TMED3: variants seen among roughly 807,000 people sequenced by gnomAD.
TMED3 encodes the protein transmembrane p24 trafficking protein 3.
In TMED3, 9 loss-of-function variants were observed where a neutral mutation model predicts 15.0. The ratio of observed to expected loss-of-function variants is 0.60; its 90% CI spans 0.36 to 1.04. TMED3 has a LOEUF of 1.04. Among genes scored for constraint, TMED3 ranks in the 50% least tolerant of loss-of-function variants. The probability of loss-of-function intolerance (pLI) is 0.01; values close to 1 mark genes in which losing one functional copy is unlikely to be tolerated. For synonymous variants in TMED3, 117 were observed against 121.4 expected, an observed-to-expected ratio of 0.96 and a Z score of 0.24; for missense variants, 267 against 278.9, an observed-to-expected ratio of 0.96 and a Z score of 0.30.
At chr15:79,407,616 C>CCCA (rs1360276285) in intron 2 of TMED3, among the ~76,000 whole-genome samples, 40 of 152,248 alleles carry the variant, frequency 2.6e-4, no homozygotes, top group Admixed American at 2.1e-3. Context: ...CCAAATCTGG[C>CCCA]CCACCACCTG....
intron 2 of TMED3, among the ~76,000 whole-genome samples, chr15:79,394,841 C>T (rs1893742749): frequency 6.6e-6 from 1 of 152,134 alleles, no homozygotes; most frequent in Admixed American, 6.5e-5. Flanking sequence ...ATTGAGACCC[C>T]CTGTGTAATA....
chr15:79,374,242 T>C (rs1018840218), intron 2 of TMED3, among the ~76,000 whole-genome samples: 3 of 152,158 alleles, frequency 2.0e-5, no homozygotes, highest in Non-Finnish European at 4.4e-5. Flanking sequence ...TAGAGTCAGG[T>C]TGGAATTTGG....
At chr15:79,384,122 C>T (rs1334616318) in intron 2 of TMED3, 1 of 152,212 alleles carries the variant, frequency 6.6e-6, no homozygotes. Context: ...AAAGCTTCTT[C>T]TCAAACATTG....
At chr15:79,327,236 C>T (rs1349341365), downstream of TMED3, among the ~76,000 whole-genome samples, 3 of 152,176 alleles carry the variant, frequency 2.0e-5, no homozygotes, top group African/African-American at 4.8e-5. Flanking sequence ...CCTTCTGCCA[C>T]GTGAGGATGC....
At chr15:79,380,992 C>T (rs981651102) in intron 2 of TMED3, among the ~76,000 whole-genome samples, 2 of 151,888 alleles carry the variant, frequency 1.3e-5, no homozygotes, top group Non-Finnish European at 2.9e-5. Flanking sequence ...CTTTTTTGTC[C>T]AAAAATGCCA....
At chr15:79,377,276 G>A (rs922718645) in intron 2 of TMED3, among the ~76,000 whole-genome samples, 1 of 141,906 alleles carries the variant, frequency 7.0e-6, no homozygotes, top group Non-Finnish European at 1.5e-5. Flanking sequence ...GTGCATGTGT[G>A]TGTGTGTGTG....
At chr15:79,379,898 A>C (rs146187258) in intron 2 of TMED3, among the ~76,000 whole-genome samples, 14 of 152,348 alleles carry the variant, frequency 9.2e-5, no homozygotes, top group Non-Finnish European at 1.9e-4. Flanking sequence ...AATATTTCAT[A>C]ATATGATGTG....
chr15:79,353,376 A>G (rs1438351913), intron 2 of TMED3, among the ~76,000 whole-genome samples: 4 of 122,396 alleles, frequency 3.3e-5, no homozygotes, highest in African/African-American at 1.3e-4. Context: ...TATATATAAT[A>G]TATATAAAAT....
Position 79,313,928 on chromosome 15 carries a change from G to A in TMED3, c.340G>A (p.Val114Ile), listed in dbSNP as rs200305206. ...NEFSTFSHKTVYFDFQVGDEP... is the reference protein window; with the variant it reads ...NEFSTFSHKTIYFDFQVGDEP... ...GTTTTCCACCTTCTCTCACAAGACCGTCTACTTTGACTTTCAAGTGGGCGA... is the reference window on the plus strand; with the variant it reads ...GTTTTCCACCTTCTCTCACAAGACCATCTACTTTGACTTTCAAGTGGGCGA... The change falls in exon 2 of 3, where the codon GTC (valine) becomes ATC (isoleucine). Residue 114 changes from valine to isoleucine, a missense_variant. Val to Ile is a conservative substitution (Grantham distance 29). Around this residue, in one of 3 missense-constraint regions of TMED3, gnomAD observed 69 missense variants for 106.8 expected, o/e 0.65. Coordinates refer to ENST00000299705, the MANE Select transcript of TMED3 (RefSeq NM_007364.4). 1.4e-5 allele frequency: 22 copies of A among 1,614,222 alleles called. No homozygotes were observed. The East Asian group carries it at 2.2e-4, about 16-fold the overall frequency.
At chr15:79,374,641 C>T (rs1315485944) in intron 2 of TMED3, among the ~76,000 whole-genome samples, 1 of 152,174 alleles carries the variant, frequency 6.6e-6, no homozygotes, top group Non-Finnish European at 1.5e-5. Flanking sequence ...CATTCTCTCC[C>T]ATCCCCAATG....
chr15:79,352,841 T>TATAAAATATAC (rs2058896750), intron 2 of TMED3, among the ~76,000 whole-genome samples: 1 of 123,476 alleles, frequency 8.1e-6, no homozygotes, highest in South Asian at 2.4e-4. Context: ...TATATATATA[T>TATAAAATATAC]ATATAAAATA....
chr15:79,399,288 G>C (rs959075364), intron 2 of TMED3, among the ~76,000 whole-genome samples: 25 of 152,006 alleles, frequency 1.6e-4, no homozygotes, highest in African/African-American at 6.0e-4. Flanking sequence ...GCTCCCCAAG[G>C]CCCACTCAAG....
At chr15:79,395,372 G>A (rs1189814128) in intron 2 of TMED3, among the ~76,000 whole-genome samples, 1 of 152,070 alleles carries the variant, frequency 6.6e-6, no homozygotes, top group Non-Finnish European at 1.5e-5. Flanking sequence ...GTAGAGACAG[G>A]GTTTCATCAT....
intron 2 of TMED3, among the ~76,000 whole-genome samples, chr15:79,392,636 G>A (rs1278960400): frequency 1.3e-5 from 2 of 152,112 alleles, no homozygotes; most frequent in Non-Finnish European, 2.9e-5. Flanking sequence ...AAATAATTGT[G>A]CAACTCTTTC....
At chr15:79,365,910 G>A (rs534452572) in intron 2 of TMED3, among the ~76,000 whole-genome samples, 1 of 152,314 alleles carries the variant, frequency 6.6e-6, no homozygotes, top group African/African-American at 2.4e-5. Context: ...TGGGGTCCGA[G>A]TTTCTGAAGA....
At chr15:79,320,720 A>G (rs575721606) in intron 2 of TMED3, among the ~76,000 whole-genome samples, 2 of 152,310 alleles carry the variant, frequency 1.3e-5, no homozygotes, top group South Asian at 4.1e-4. Flanking sequence ...CCACAGGCAT[A>G]ATGTGTTGTC....
At chr15:79,371,007 A>G (rs940966169) in intron 2 of TMED3, among the ~76,000 whole-genome samples, 1 of 152,218 alleles carries the variant, frequency 6.6e-6, no homozygotes, top group East Asian at 1.9e-4. Flanking sequence ...GAGGCAGATG[A>G]ACTGTTACTA....
intron 2 of TMED3, among the ~76,000 whole-genome samples, chr15:79,378,475 C>T (rs1893467146): frequency 6.6e-6 from 1 of 152,170 alleles, no homozygotes; most frequent in Non-Finnish European, 1.5e-5. Flanking sequence ...TAGCAGAATC[C>T]AGCTGGAGAA....
chr15:79,363,359 A>G (rs1027956738), intron 2 of TMED3, among the ~76,000 whole-genome samples: 5 of 152,222 alleles, frequency 3.3e-5, no homozygotes, highest in African/African-American at 1.2e-4. Context: ...AAACTTCTGT[A>G]TATCAAATAT....
Sources: gnomAD v4.1 joint callset for allele counts (sites outside exome capture counted in the v4.1 genomes callset) on GRCh38, gnomAD v4.1.1 for gene constraint, gnomAD v4.1.1 regional missense constraint, MANE v1.5 for transcripts, NCBI Gene and HGNC (gene_info 2026-07-23, HGNC 2026-07-21) for gene names.